UBE2E2: variants seen among roughly 807,000 people sequenced by gnomAD.
The protein encoded by UBE2E2 is ubiquitin-conjugating enzyme E2 E2.
A neutral mutation model predicts 24.7 loss-of-function variants in UBE2E2; 6 were observed. The observed-to-expected ratio is 0.24, with a 90% CI of 0.13 to 0.48. UBE2E2 has a LOEUF of 0.48. UBE2E2 is among the 20% of genes least tolerant of loss of function. UBE2E2 has a pLI of 0.99. For missense variants in UBE2E2, 169 were observed against 245.0 expected (o/e 0.69, Z 2.07); for synonymous variants, 104 against 83.6 (o/e 1.24, Z -1.33).
intron 3 of UBE2E2, among the ~76,000 whole-genome samples, chr3:23,470,853 G>A (rs1699020844): frequency 6.6e-6 from 1 of 151,920 alleles, no homozygotes. Flanking sequence ...ACTTCTTGGA[G>A]CTCAAGTTCT....
chr3:23,338,140 C>T (rs780608991), intron 3 of UBE2E2, among the ~76,000 whole-genome samples: 2 of 152,068 alleles, frequency 1.3e-5, no homozygotes, highest in African/African-American at 4.8e-5. Flanking sequence ...GGTACACTTC[C>T]AGTGGTTGTA....
chr3:23,310,060 T>G (rs1694329106), intron 3 of UBE2E2, among the ~76,000 whole-genome samples: 1 of 152,188 alleles, frequency 6.6e-6, no homozygotes, highest in Non-Finnish European at 1.5e-5. Context: ...GGGCCCATGT[T>G]CAACAGACCG....
intron 3 of UBE2E2, among the ~76,000 whole-genome samples, chr3:23,461,773 A>G (rs1213481899): frequency 6.6e-6 from 1 of 152,202 alleles, no homozygotes; most frequent in East Asian, 1.9e-4. Flanking sequence ...ATGCTATTGC[A>G]TACTTGTTAC....
At chr3:23,292,014 G>A (rs538605657) in intron 3 of UBE2E2, among the ~76,000 whole-genome samples, 31 of 151,646 alleles carry the variant, frequency 2.0e-4, no homozygotes, top group South Asian at 4.2e-4. Flanking sequence ...GCCCGCCACC[G>A]CACCCGGCTA....
At chr3:23,387,250 C>T (rs765035799) in intron 3 of UBE2E2, among the ~76,000 whole-genome samples, 11 of 152,204 alleles carry the variant, frequency 7.2e-5, no homozygotes, top group Non-Finnish European at 1.3e-4. Flanking sequence ...GTAATAGAGG[C>T]TATGAGATTT....
intron 4 of UBE2E2, among the ~76,000 whole-genome samples, chr3:23,501,365 C>T (rs1004648752): frequency 6.6e-6 from 1 of 152,154 alleles, no homozygotes; most frequent in African/African-American, 2.4e-5. Flanking sequence ...TCCACTGAGT[C>T]GTGCACTCCA....
chr3:23,235,597 G>A (rs535762531), intron 3 of UBE2E2, among the ~76,000 whole-genome samples: 1 of 152,282 alleles, frequency 6.6e-6, no homozygotes, highest in Admixed American at 6.5e-5. Context: ...CAGTCATCAG[G>A]TGAGAGAGGA....
chr3:23,359,050 C>T (rs1274465635), intron 3 of UBE2E2, among the ~76,000 whole-genome samples: 1 of 152,162 alleles, frequency 6.6e-6, no homozygotes, highest in Admixed American at 6.5e-5. Context: ...GATCATGAAG[C>T]AGCCATGATC....
At chr3:23,220,006 A>G (rs1190510396) in intron 3 of UBE2E2, among the ~76,000 whole-genome samples, 1 of 152,154 alleles carries the variant, frequency 6.6e-6, no homozygotes, top group Non-Finnish European at 1.5e-5. Context: ...GGTGATATCT[A>G]GTTAAGCTTC....
intron 3 of UBE2E2, among the ~76,000 whole-genome samples, chr3:23,299,363 T>C (rs1005399011): frequency 6.6e-6 from 1 of 152,216 alleles, no homozygotes; most frequent in Non-Finnish European, 1.5e-5. Context: ...CTAGCTCTTT[T>C]AGTTGTGATG....
intron 4 of UBE2E2, among the ~76,000 whole-genome samples, chr3:23,520,459 G>C (rs1498809): frequency 0.65 from 98,589 of 152,084 alleles, 33,236 homozygotes; most frequent in African/African-American, 0.84. Context: ...GGAAAAATAT[G>C]ATTACCCTCA....
intron 5 of UBE2E2, among the ~76,000 whole-genome samples, chr3:23,564,845 T>C (rs1349247082): frequency 6.6e-6 from 1 of 152,150 alleles, no homozygotes; most frequent in Non-Finnish European, 1.5e-5. Flanking sequence ...GAAATGTATG[T>C]TTAAAAATTA....
Position 23,393,235 on chromosome 3 carries a change from A to G in UBE2E2, c.228-106373A>G, listed in dbSNP as rs9830853. On this transcript the variant is annotated intron_variant, in intron 3 of 5. Coordinates refer to ENST00000396703, the MANE Select transcript of UBE2E2 (RefSeq NM_152653.4). ...TAGGGGATAAAATAGACATGACTTA[A>G]TGATTTATTGGATAAGAAGTATGAG... Among the ~76,000 whole-genome samples the G allele has an allele frequency of 8.7e-3, 1,324 of 152,314 alleles. 19 individuals carry two copies. The highest frequency in any genetic ancestry group is 0.03 in the African/African-American group (1,250 of 41,568).
At chr3:23,466,606 C>T (rs1050603434) in intron 3 of UBE2E2, among the ~76,000 whole-genome samples, 1 of 151,902 alleles carries the variant, frequency 6.6e-6, no homozygotes, top group African/African-American at 2.4e-5. Context: ...CTCACTCTAT[C>T]GCCCAGGCTG....
At chr3:23,206,822 G>C (rs1696159269) in intron 1 of UBE2E2, among the ~76,000 whole-genome samples, 1 of 152,026 alleles carries the variant, frequency 6.6e-6, no homozygotes, top group African/African-American at 2.4e-5. Flanking sequence ...CTATCCATTT[G>C]GACTAAGTTA....
intron 3 of UBE2E2, among the ~76,000 whole-genome samples, chr3:23,382,420 A>T (rs985808019): frequency 6.6e-6 from 1 of 152,000 alleles, no homozygotes; most frequent in Non-Finnish European, 1.5e-5. Flanking sequence ...AACCTCGGGT[A>T]ATCCGCCCAC....
chr3:23,399,979 T>A (rs1697177527), intron 3 of UBE2E2, among the ~76,000 whole-genome samples: 3 of 152,152 alleles, frequency 2.0e-5, no homozygotes, highest in African/African-American at 7.2e-5. Flanking sequence ...TTTTAACTGC[T>A]CCCTTCTCTT....
intron 3 of UBE2E2, among the ~76,000 whole-genome samples, chr3:23,350,637 T>C (rs998408882): frequency 6.6e-6 from 1 of 151,940 alleles, no homozygotes; most frequent in African/African-American, 2.4e-5. Flanking sequence ...AGGGTATCAG[T>C]GATGGAAGAC....
intron 3 of UBE2E2, among the ~76,000 whole-genome samples, chr3:23,481,981 G>T (rs890819256): frequency 6.6e-6 from 1 of 152,222 alleles, no homozygotes; most frequent in Admixed American, 6.5e-5. Context: ...AGTGAACTCT[G>T]TATAGTATTA....
Sources: gnomAD v4.1 joint callset for allele counts (sites outside exome capture counted in the v4.1 genomes callset) on GRCh38, gnomAD v4.1.1 for gene constraint, MANE v1.5 for transcripts, NCBI Gene and HGNC (gene_info 2026-07-23, HGNC 2026-07-21) for gene names.